The following ESR2 variants were observed in gnomAD, a reference collection of about 807,000 sequenced individuals.
The protein encoded by ESR2 is estrogen receptor 2.
In ESR2, 36 loss-of-function variants were observed where a neutral mutation model predicts 49.6. The observed-to-expected ratio is 0.73, with a 90% CI of 0.56 to 0.96. The LOEUF is 0.96. Ranked by LOEUF, ESR2 falls within the 40% of genes least tolerant of loss-of-function variation. ESR2 has a pLI of 0.00. For missense variants in ESR2, 714 were observed against 693.0 expected, an observed-to-expected ratio of 1.03 and a Z score of -0.34; for synonymous variants, 320 against 266.1, an observed-to-expected ratio of 1.20 and a Z score of -1.97.
intron 7 of ESR2, among the ~76,000 whole-genome samples, chr14:64,246,338 G>A (rs1052495952): frequency 6.6e-6 from 1 of 152,014 alleles, no homozygotes; most frequent in Non-Finnish European, 1.5e-5. Flanking sequence ...AAGATGTGAT[G>A]GTTATATAAG....
At chr14:64,284,806 T>C (rs761687677) in intron 1 of ESR2, among the ~76,000 whole-genome samples, 2 of 152,134 alleles carry the variant, frequency 1.3e-5, no homozygotes, top group Non-Finnish European at 2.9e-5. Flanking sequence ...TTTTTTCCAC[T>C]GTCTTTTGCT....
intron 1 of ESR2, chr14:64,336,536 G>GT (rs1334912913): frequency 6.6e-6 from 1 of 152,160 alleles, no homozygotes; most frequent in Non-Finnish European, 1.5e-5. Context: ...TGCTCTTGGG[G>GT]TTTTCCTCAT....
chr14:64,251,135 C>T (rs1205693795), intron 6 of ESR2, among the ~76,000 whole-genome samples: 1 of 152,040 alleles, frequency 6.6e-6, no homozygotes, highest in Non-Finnish European at 1.5e-5. Context: ...TAGGCTCTCC[C>T]AGGCAACCTG....
intron 4 of ESR2, among the ~76,000 whole-genome samples, chr14:64,265,123 C>A (rs1024090942): frequency 6.6e-6 from 1 of 152,100 alleles, no homozygotes; most frequent in African/African-American, 2.4e-5. Flanking sequence ...TGACAAGGAG[C>A]TCATTTTTCT....
chr14:64,245,688 C>G (rs1310287030), intron 7 of ESR2, among the ~76,000 whole-genome samples: 1 of 152,068 alleles, frequency 6.6e-6, no homozygotes, highest in Non-Finnish European at 1.5e-5. Flanking sequence ...TCATCTTTCC[C>G]ATTTGCACAG....
chr14:64,260,094 T>G, intron 5 of ESR2: 1 of 486,930 alleles, frequency 2.1e-6, no homozygotes, highest in African/African-American at 1.9e-5. Context: ...GTAGCAGATG[T>G]GGACACACAG....
At chr14:64,276,997 T>TA (rs1427622101) in intron 3 of ESR2, among the ~76,000 whole-genome samples, 1 of 152,172 alleles carries the variant, frequency 6.6e-6, no homozygotes, top group Non-Finnish European at 1.5e-5. Context: ...CAATGCTCAA[T>TA]AAATATTTGT....
chr14:64,337,178 C>G (rs889341048), intron 1 of ESR2, among the ~76,000 whole-genome samples: 1 of 152,190 alleles, frequency 6.6e-6, no homozygotes, highest in African/African-American at 2.4e-5. Flanking sequence ...TGGTTGAAAA[C>G]CAAGCTGTTG....
Position 64,231,680 on chromosome 14 carries a change from CA to C in ESR2, c.*1456del, listed in dbSNP as rs1194692118. ...GTGCTACCCAAAGTGAACATATTTT[CA>C]AAAAGAAAATATATTTAATATCATA... On this transcript the variant is annotated 3_prime_UTR_variant, in exon 9 of 9. Coordinates refer to ENST00000341099, the MANE Select transcript of ESR2 (RefSeq NM_001437.3). 6.6e-6 allele frequency: 1 copy of C among 152,070 alleles called. No homozygotes were observed. The highest frequency in any genetic ancestry group is 6.6e-5 in the Admixed American group (1 of 15,264). 9.4% of individuals were successfully genotyped at this position (152,070 alleles called of 1,614,324 possible). A position where few individuals can be genotyped will look rare whatever the true frequency, so the allele number is the denominator to read the frequency against.
downstream of ESR2, chr14:64,228,005 C>A: frequency 1.3e-6 from 2 of 1,533,700 alleles, no homozygotes; most frequent in Non-Finnish European, 1.7e-6. Context: ...CACTGGATAC[C>A]AGGACTTTTG....
chr14:64,250,743 G>A (rs567145899), intron 6 of ESR2, among the ~76,000 whole-genome samples: 7 of 152,200 alleles, frequency 4.6e-5, no homozygotes, highest in East Asian at 3.9e-4. Flanking sequence ...CATTTCCAGC[G>A]ATGGCAGTAT....
chr14:64,265,866 T>G lies in ESR2; in HGVS notation c.652+2929A>C, dbSNP rs376514039. 2.7e-4 allele frequency among the ~76,000 whole-genome samples: 41 copies of G among 152,254 alleles called. 2 individuals carry two copies. In the South Asian group the frequency reaches 8.3e-3, roughly 31 times the overall value. ...GGTGCAGGAGGATCCAACAAGCAGG[T>G]AGAATCTCTAGTCCTCCAAACCTGA... On this transcript the variant is annotated intron_variant, in intron 4 of 8. Coordinates refer to ENST00000341099, the MANE Select transcript of ESR2 (RefSeq NM_001437.3).
At chr14:64,246,616 A>G (rs999968464) in intron 7 of ESR2, among the ~76,000 whole-genome samples, 4 of 151,712 alleles carry the variant, frequency 2.6e-5, no homozygotes, top group African/African-American at 7.3e-5. Context: ...AATCCCAGCT[A>G]CTTGGGATGC....
At position 64,257,380 on chromosome 14, in the gene ESR2, G is replaced by A. The variant is rs773658430; in HGVS notation, c.953-16C>T. On this transcript the variant is annotated splice_polypyrimidine_tract_variant and intron_variant, in intron 5 of 8. Coordinates refer to ENST00000341099, the MANE Select transcript of ESR2 (RefSeq NM_001437.3). ...TCCACAAAGCCTGGGGAAAGCAAGA[G>A]GCGGTGAGACACCCCCACCCCTCCT... The A allele has an allele frequency of 6.2e-7, 1 of 1,612,140 alleles. No individual in the cohort carries two copies. The highest frequency in any genetic ancestry group is 1.3e-5 in the African/African-American group (1 of 74,862).
intron 3 of ESR2, among the ~76,000 whole-genome samples, chr14:64,274,315 T>G (rs1349904364): frequency 6.6e-6 from 1 of 152,174 alleles, no homozygotes; most frequent in Non-Finnish European, 1.5e-5. Context: ...GTTTCGGATT[T>G]CTTCATAGTT....
chr14:64,262,785 C>T lies in ESR2; in HGVS notation c.653-2037G>A, dbSNP rs555724078. 1.2e-4 allele frequency among the ~76,000 whole-genome samples: 18 copies of T among 152,170 alleles called. No homozygotes were observed. In the South Asian group the frequency reaches 3.7e-3, roughly 32 times the overall value. On this transcript the variant is annotated intron_variant, in intron 4 of 8. Coordinates refer to ENST00000341099, the MANE Select transcript of ESR2 (RefSeq NM_001437.3). ...AATTAGCTGGGCATGGTGGCAAATG[C>T]CTGTAATCCTAGCTGTTTAGGAAGG...
In ESR2 at chr14:64,233,124, T is replaced by G. The variant is rs762341251; in HGVS notation, c.*13A>C. ...TGTGACCTCTGTGGGCCAGTTCACC[T>G]CAGGGCCAGGCGTCACTGAGACTGT... On this transcript the variant is annotated 3_prime_UTR_variant, in exon 9 of 9. Transcript: ENST00000341099. 125 of 1,610,798 alleles carry G rather than the reference T, an allele frequency of 7.8e-5. No individual in the cohort carries two copies. The highest frequency in any genetic ancestry group is 1.0e-4 in the Non-Finnish European group (121 of 1,177,718).
intron 1 of ESR2, among the ~76,000 whole-genome samples, chr14:64,321,016 T>C (rs968654819): frequency 1.3e-5 from 2 of 152,164 alleles, no homozygotes; most frequent in Non-Finnish European, 2.9e-5. Context: ...TACTTTATAG[T>C]CAATTTTTCT....
chr14:64,297,547 T>G (rs1465250035), upstream of ESR2: 1 of 152,290 alleles, frequency 6.6e-6, no homozygotes, highest in Non-Finnish European at 1.5e-5. Context: ...CAACACAACC[T>G]GCGCTGCGAT....
Sources: gnomAD v4.1 joint callset for allele counts (sites outside exome capture counted in the v4.1 genomes callset) on GRCh38, gnomAD v4.1.1 for gene constraint, MANE v1.5 for transcripts, NCBI Gene and HGNC (gene_info 2026-07-23, HGNC 2026-07-21) for gene names.